CPQ: variants seen among roughly 807,000 people sequenced by gnomAD.
CPQ encodes the protein carboxypeptidase Q.
CPQ carries 37 observed loss-of-function variants against 45.7 expected under a neutral mutation model. That is an observed-to-expected ratio of 0.81 (90% CI 0.62 to 1.07). The LOEUF (loss-of-function observed/expected upper bound fraction) is 1.07. Ranked by LOEUF, CPQ falls within the 50% of genes least tolerant of loss-of-function variation. CPQ has a pLI of 0.00. For synonymous variants in CPQ, 186 were observed against 205.8 expected, an observed-to-expected ratio of 0.90 and a Z score of 0.82; for missense variants, 537 against 572.9, an observed-to-expected ratio of 0.94 and a Z score of 0.64.
At position 96,965,233 on chromosome 8, in the gene CPQ, CAT is replaced by C. The variant is rs568738732; in HGVS notation, c.850-701_850-700del. ...TTTTCTCATTTAAATCAATTCAACACATGTTTATTACGTTTCTTCTAGAATTT... is the reference window on the plus strand; with the variant it reads ...TTTTCTCATTTAAATCAATTCAACACGTTTATTACGTTTCTTCTAGAATTT... On this transcript the variant is annotated intron_variant, in intron 4 of 7. Coordinates refer to ENST00000220763, the MANE Select transcript of CPQ (RefSeq NM_016134.4). Among the ~76,000 whole-genome samples, 262 of 152,132 alleles carry C rather than the reference CAT, an allele frequency of 1.7e-3. 2 individuals carry two copies. The highest frequency in any genetic ancestry group is 2.8e-3 in the Non-Finnish European group (191 of 67,980).
intron 1 of CPQ, among the ~76,000 whole-genome samples, chr8:96,646,465 TAAG>T (rs2130699679): frequency 6.6e-6 from 1 of 152,354 alleles, no homozygotes; most frequent in South Asian, 2.1e-4. Context: ...TCAGAGTTGT[TAAG>T]AATCTTGTCT....
rs1450345939 is a variant in CPQ, at chr8:96,948,324, G to GT, written c.850-17610dup. On this transcript the variant is annotated intron_variant, in intron 4 of 7. Coordinates refer to ENST00000220763, the MANE Select transcript of CPQ (RefSeq NM_016134.4). ...TTTTCCAATTTGTGAACTGCAGCCT[G>GT]TAAGTTTTGATATATTGTGTTTTCA... 5.3e-5 allele frequency among the ~76,000 whole-genome samples: 8 copies of GT among 152,064 alleles called. No homozygotes were observed. In the South Asian group the frequency reaches 1.7e-3, roughly 32 times the overall value.
At chr8:96,797,024 T>A (rs1406139746) in intron 2 of CPQ, among the ~76,000 whole-genome samples, 1 of 152,066 alleles carries the variant, frequency 6.6e-6, no homozygotes, top group Non-Finnish European at 1.5e-5. Flanking sequence ...TTCTCAGGAA[T>A]GAATTTGAGA....
At chr8:97,049,770 A>G (rs1337936124) in intron 6 of CPQ, among the ~76,000 whole-genome samples, 1 of 152,220 alleles carries the variant, frequency 6.6e-6, no homozygotes, top group Non-Finnish European at 1.5e-5. Flanking sequence ...GAATCAATCC[A>G]TGTCTAAAAT....
chr8:97,017,677 G>A (rs558485244), intron 5 of CPQ, among the ~76,000 whole-genome samples: 2 of 152,216 alleles, frequency 1.3e-5, no homozygotes, highest in East Asian at 1.9e-4. Flanking sequence ...ACAGCAGAGA[G>A]AGCCATAATC....
intron 6 of CPQ, among the ~76,000 whole-genome samples, chr8:97,059,104 C>G (rs1810503345): frequency 6.6e-6 from 1 of 152,078 alleles, no homozygotes; most frequent in African/African-American, 2.4e-5. Flanking sequence ...TTAACAAGCA[C>G]AAGAGGAGAA....
At chr8:97,002,821 T>C (rs991148840) in intron 5 of CPQ, among the ~76,000 whole-genome samples, 5 of 152,180 alleles carry the variant, frequency 3.3e-5, no homozygotes, top group Non-Finnish European at 7.4e-5. Context: ...CTTTGTTAAT[T>C]TTCTGTCTTA....
At chr8:96,913,804 G>A (rs1812697949) in intron 4 of CPQ, among the ~76,000 whole-genome samples, 1 of 152,146 alleles carries the variant, frequency 6.6e-6, no homozygotes, top group Non-Finnish European at 1.5e-5. Flanking sequence ...AGATATTGTG[G>A]TTATTTATTT....
intron 5 of CPQ, among the ~76,000 whole-genome samples, chr8:96,995,915 G>A (rs1038415193): frequency 3.9e-5 from 6 of 151,918 alleles, no homozygotes; most frequent in African/African-American, 1.4e-4. Flanking sequence ...AGGAAATTTG[G>A]GAGATGAATT....
chr8:96,910,481 T>G (rs1280986920), intron 4 of CPQ, among the ~76,000 whole-genome samples: 1 of 152,156 alleles, frequency 6.6e-6, no homozygotes, highest in Non-Finnish European at 1.5e-5. Context: ...TAACATGAAG[T>G]AGGTGAAATA....
At chr8:97,100,086 G>A (rs1811277169) in intron 7 of CPQ, among the ~76,000 whole-genome samples, 1 of 152,122 alleles carries the variant, frequency 6.6e-6, no homozygotes, top group Non-Finnish European at 1.5e-5. Flanking sequence ...TTGTCAAGGA[G>A]GTTAAAATTT....
chr8:96,933,869 T>A (rs1363930412), intron 4 of CPQ, among the ~76,000 whole-genome samples: 2 of 152,220 alleles, frequency 1.3e-5, no homozygotes, highest in Non-Finnish European at 2.9e-5. Context: ...GCTCTTCTTG[T>A]CCTTAGCTCT....
intron 7 of CPQ, among the ~76,000 whole-genome samples, chr8:97,108,014 G>A (rs1212020486): frequency 6.6e-6 from 1 of 152,172 alleles, no homozygotes; most frequent in Non-Finnish European, 1.5e-5. Context: ...GTGAGGAAGT[G>A]GATGTGGTGG....
chr8:96,849,461 C>G (rs1213542135), intron 3 of CPQ, among the ~76,000 whole-genome samples: 1 of 152,066 alleles, frequency 6.6e-6, no homozygotes, highest in African/African-American at 2.4e-5. Context: ...ACTAGTAGTC[C>G]CGGGACACAT....
chr8:96,778,383 A>T (rs191844632), intron 1 of CPQ, among the ~76,000 whole-genome samples: 327 of 152,286 alleles, frequency 2.1e-3, no homozygotes, highest in South Asian at 4.6e-3. Context: ...ATATATGATT[A>T]TGCATTCCAG....
At chr8:96,929,807 TATAG>T (rs921632213) in intron 4 of CPQ, among the ~76,000 whole-genome samples, 24 of 152,154 alleles carry the variant, frequency 1.6e-4, no homozygotes, top group African/African-American at 4.8e-4. Flanking sequence ...ACTGAAAAAA[TATAG>T]ATAGAGAATT....
At chr8:97,130,793 ATT>A (rs1258142528) in intron 7 of CPQ, among the ~76,000 whole-genome samples, 1 of 151,984 alleles carries the variant, frequency 6.6e-6, no homozygotes. Flanking sequence ...TTCTTAACAC[ATT>A]TGTTTCCCTT....
At chr8:97,096,761 CAGAG>C (rs1811216235) in intron 7 of CPQ, among the ~76,000 whole-genome samples, 1 of 152,192 alleles carries the variant, frequency 6.6e-6, no homozygotes, top group African/African-American at 2.4e-5. Context: ...TTTCTCCCTG[CAGAG>C]AGGGGAAGAG....
chr8:96,999,743 G>T (rs1055269994), intron 5 of CPQ, among the ~76,000 whole-genome samples: 7 of 151,974 alleles, frequency 4.6e-5, no homozygotes, highest in Non-Finnish European at 8.8e-5. Context: ...TATTCTTTTG[G>T]GTGTATACCC....
Sources: allele counts gnomAD v4.1 joint callset (sites outside exome capture counted in the v4.1 genomes callset), GRCh38; gene constraint gnomAD v4.1.1; transcripts MANE v1.5; gene names NCBI Gene and HGNC (gene_info 2026-07-23, HGNC 2026-07-21).